The following GALNT17 variants were observed in gnomAD, a reference collection of about 807,000 sequenced individuals.
The protein encoded by GALNT17 is UDP-GalNAc:polypeptide N-acetylgalactosaminyltransferase-like 3.
In GALNT17, 29 loss-of-function variants were observed where a neutral mutation model predicts 63.7. The ratio of observed to expected loss-of-function variants is 0.46; its 90% CI spans 0.34 to 0.62. The LOEUF is 0.62. GALNT17 is among the 20% of genes least tolerant of loss of function. GALNT17 has a pLI of 0.01. For missense variants in GALNT17, 603 were observed against 799.6 expected, an observed-to-expected ratio of 0.75 and a Z score of 2.97; for synonymous variants, 305 against 318.3, an observed-to-expected ratio of 0.96 and a Z score of 0.45.
chr7:71,331,166 T>C (rs1193346699), intron 1 of GALNT17, among the ~76,000 whole-genome samples: 1 of 152,236 alleles, frequency 6.6e-6, no homozygotes, highest in Non-Finnish European at 1.5e-5. Context: ...ATCACTCACC[T>C]GGAAACTCAG....
chr7:71,216,655 A>G (rs1789486879), intron 1 of GALNT17, among the ~76,000 whole-genome samples: 1 of 148,908 alleles, frequency 6.7e-6, no homozygotes, highest in Non-Finnish European at 1.5e-5. Flanking sequence ...CAGACATACA[A>G]ATACACATAT....
intron 2 of GALNT17, among the ~76,000 whole-genome samples, chr7:71,353,583 G>C (rs1286200059): frequency 1.3e-5 from 2 of 152,066 alleles, no homozygotes; most frequent in South Asian, 4.1e-4. Context: ...ATTCATATTT[G>C]TCCAATATTT....
intron 1 of GALNT17, among the ~76,000 whole-genome samples, chr7:71,229,771 T>C (rs1789752838): frequency 6.6e-6 from 1 of 152,150 alleles, no homozygotes; most frequent in Non-Finnish European, 1.5e-5. Flanking sequence ...TGAGAAGTCA[T>C]GGAATGGACC....
intron 5 of GALNT17, among the ~76,000 whole-genome samples, chr7:71,424,441 A>T (rs1704209909): frequency 6.6e-6 from 1 of 152,260 alleles, no homozygotes; most frequent in African/African-American, 2.4e-5. Context: ...CCCAGCAAAC[A>T]TCTGTAATGA....
intron 1 of GALNT17, among the ~76,000 whole-genome samples, chr7:71,321,434 G>A (rs747359642): frequency 3.9e-5 from 6 of 152,122 alleles, no homozygotes; most frequent in Admixed American, 6.6e-5. Context: ...ATGTTTGTTC[G>A]GTGCTGAGAG....
chr7:71,236,684 G>A (rs1438953273), intron 1 of GALNT17, among the ~76,000 whole-genome samples: 4 of 152,132 alleles, frequency 2.6e-5, no homozygotes, highest in Middle Eastern at 3.2e-3. Flanking sequence ...TGATGCAACC[G>A]AACAATAGCA....
chr7:71,669,848 A>G, intron 7 of GALNT17, 124 bp from the exon 8 acceptor site: 1 of 1,260,524 alleles, frequency 7.9e-7, no homozygotes, highest in African/African-American at 1.5e-5. Flanking sequence ...GGCATGAGCC[A>G]CCGTGCCCAG....
intron 8 of GALNT17, among the ~76,000 whole-genome samples, chr7:71,674,030 G>A (rs375448462): frequency 6.6e-6 from 1 of 152,214 alleles, no homozygotes; most frequent in African/African-American, 2.4e-5. Context: ...TACAGTGGGG[G>A]TGGCATTGGG....
chr7:71,222,877 C>T (rs1378694673), intron 1 of GALNT17, among the ~76,000 whole-genome samples: 1 of 152,094 alleles, frequency 6.6e-6, no homozygotes, highest in Non-Finnish European at 1.5e-5. Context: ...TCAAGGCCAG[C>T]CTGGACAACA....
chr7:71,703,726 T>C (rs1584150236), intron 9 of GALNT17, among the ~76,000 whole-genome samples: 1 of 152,004 alleles, frequency 6.6e-6, no homozygotes, highest in African/African-American at 2.4e-5. Flanking sequence ...GTGGCTAGAG[T>C]CATAAAGATC....
At chr7:71,289,320 A>C (rs779822461) in intron 1 of GALNT17, among the ~76,000 whole-genome samples, 1 of 151,442 alleles carries the variant, frequency 6.6e-6, no homozygotes, top group Non-Finnish European at 1.5e-5. Flanking sequence ...GCTTTTATGT[A>C]CATTTACTGG....
In GALNT17 at chr7:71,206,241, G is replaced by C. The variant is rs1463333393; in HGVS notation, c.238+73201G>C. 1.5e-4 allele frequency among the ~76,000 whole-genome samples: 23 copies of C among 151,728 alleles called. 1 individual carries two copies. Among genetic ancestry groups the C allele is most frequent in the Admixed American group, 1.5e-3 (23 of 15,200 alleles). ...AATTTGTACTCATAAATTCAGCTCT[G>C]TGTGTGCAGTCTGCTCAGCAGCACC... On this transcript the variant is annotated intron_variant, in intron 1 of 10. Transcript: ENST00000333538.
At chr7:71,665,354 G>T (rs578185952) in intron 6 of GALNT17, 57 bp from the exon 7 acceptor site, 10 of 1,531,312 alleles carry the variant, frequency 6.5e-6, no homozygotes, top group South Asian at 1.3e-5. Flanking sequence ...GGCTTGGGGA[G>T]GGGGCATAGC....
At chr7:71,375,747 CT>C (rs1321853765) in intron 2 of GALNT17, among the ~76,000 whole-genome samples, 6 of 152,150 alleles carry the variant, frequency 3.9e-5, no homozygotes, top group Non-Finnish European at 8.8e-5. Context: ...ATAAAGAAAC[CT>C]ACTGGGCCAG....
chr7:71,142,814 A>T (rs925194896), intron 1 of GALNT17, among the ~76,000 whole-genome samples: 2 of 151,308 alleles, frequency 1.3e-5, no homozygotes. Context: ...GGTGGCACAT[A>T]CCTGTAATCC....
rs530347935 is a variant in GALNT17 at position 71,217,941 on chromosome 7, T to A, written c.238+84901T>A. ...AGACTCCGTCTCAAAAAAAAAAAAA[T>A]TCAATAATAGGGAAATAGAGTAAAG... On this transcript the variant is annotated intron_variant, in intron 1 of 10. Transcript: ENST00000333538. 9.4e-3 allele frequency among the ~76,000 whole-genome samples: 1,308 copies of A among 139,722 alleles called. 19 individuals carry two copies. The highest frequency in any genetic ancestry group is 0.031 in the African/African-American group (1,233 of 39,602). The allele number at this position is 139,722 out of a possible 152,430, so 91.7% of individuals were successfully genotyped here.
intron 1 of GALNT17, among the ~76,000 whole-genome samples, chr7:71,286,171 C>T (rs1790869315): frequency 6.6e-6 from 1 of 152,130 alleles, no homozygotes. Flanking sequence ...ATTACTAGGG[C>T]CCTTTCAAGG....
At chr7:71,576,747 T>C (rs183644159) in intron 6 of GALNT17, among the ~76,000 whole-genome samples, 174 of 152,272 alleles carry the variant, frequency 1.1e-3, no homozygotes, top group African/African-American at 3.9e-3. Context: ...TTTGTATTTT[T>C]AGTAGAGACA....
intron 5 of GALNT17, among the ~76,000 whole-genome samples, chr7:71,482,193 G>T (rs930431055): frequency 6.9e-6 from 1 of 145,716 alleles, no homozygotes. Flanking sequence ...TCTGTCACCC[G>T]GTCTGGAGTG....
Sources: gnomAD v4.1 joint callset for allele counts (sites outside exome capture counted in the v4.1 genomes callset) on GRCh38, gnomAD v4.1.1 for gene constraint, MANE v1.5 for transcripts, NCBI Gene and HGNC (gene_info 2026-07-23, HGNC 2026-07-21) for gene names.